The following LEKR1 variants were observed in gnomAD, a reference collection of about 807,000 sequenced individuals.
The protein encoded by LEKR1 is leucine, glutamate and lysine rich 1, also known as protein LEKR1.
LEKR1 carries 59 observed loss-of-function variants against 72.4 expected under a neutral mutation model. The ratio of observed to expected loss-of-function variants is 0.82; its 90% CI spans 0.66 to 1.01. LEKR1 has a LOEUF of 1.01. LEKR1 is among the 50% of genes least tolerant of loss of function. LEKR1 has a pLI of 0.00. For synonymous variants in LEKR1, 257 were observed against 263.2 expected (o/e 0.98, Z 0.23); for missense variants, 728 against 759.2 (o/e 0.96, Z 0.48).
At chr3:156,925,548 C>G (rs763870029) in intron 4 of LEKR1, among the ~76,000 whole-genome samples, 6 of 151,980 alleles carry the variant, frequency 3.9e-5, no homozygotes, top group Non-Finnish European at 5.9e-5. Context: ...TTTCTTGCCT[C>G]TTATTTCACA....
intron 12 of LEKR1, among the ~76,000 whole-genome samples, chr3:157,038,691 G>T (rs893597650): frequency 1.3e-5 from 2 of 152,158 alleles, no homozygotes; most frequent in Non-Finnish European, 2.9e-5. Context: ...TTTAAAGAAG[G>T]GTACATGCAA....
rs374057183 is a variant in LEKR1, at chr3:156,912,405, G to A, written c.264-8170G>A. 2.8e-4 allele frequency among the ~76,000 whole-genome samples: 42 copies of A among 152,308 alleles called. No homozygotes were observed. The East Asian group carries it at 4.0e-3, about 15-fold the overall frequency. On this transcript the variant is annotated intron_variant, in intron 3 of 12. Transcript: ENST00000356539. ...GAGTTCGCATAAGGAGTGGGGGGTA[G>A]CAGGTGGCAGTATGTCTCACCCAGC...
rs545631946 is a variant in LEKR1 at position 157,030,855 on chromosome 3, C to T, written c.1668+2453C>T. Among the ~76,000 whole-genome samples, 4 of 152,294 alleles carry T rather than the reference C, an allele frequency of 2.6e-5. No homozygotes were observed. In the East Asian group the frequency reaches 7.7e-4, roughly 29 times the overall value. Reference sequence around the variant, plus strand: ...AGAGGCTTCCCTCAGTTCCTTGCCACATGGACCTCTCCATAGAACAGCTCA... The same window carrying T: ...AGAGGCTTCCCTCAGTTCCTTGCCATATGGACCTCTCCATAGAACAGCTCA... On this transcript the variant is annotated intron_variant, in intron 12 of 12. Coordinates refer to ENST00000356539, the MANE Select transcript of LEKR1 (RefSeq NM_001004316.3).
At chr3:157,033,411 C>A (rs1734757460) in intron 12 of LEKR1, among the ~76,000 whole-genome samples, 1 of 152,166 alleles carries the variant, frequency 6.6e-6, no homozygotes, top group Non-Finnish European at 1.5e-5. Context: ...AATAAAACAG[C>A]CTTCTTGCTG....
intron 3 of LEKR1, among the ~76,000 whole-genome samples, chr3:156,879,202 G>A (rs1718984337): frequency 6.6e-6 from 1 of 152,138 alleles, no homozygotes; most frequent in Non-Finnish European, 1.5e-5. Context: ...CTTGTTGAAT[G>A]GCTTTGACCA....
chr3:156,872,059 G>C (rs62275178), intron 3 of LEKR1, among the ~76,000 whole-genome samples: 186 of 151,190 alleles, frequency 1.2e-3, no homozygotes, highest in South Asian at 4.4e-3. Context: ...CAGTGAAACT[G>C]TCTGGTCCTG....
chr3:156,904,479 A>G (rs1722340633), intron 3 of LEKR1, among the ~76,000 whole-genome samples: 1 of 149,922 alleles, frequency 6.7e-6, no homozygotes, highest in South Asian at 2.1e-4. Context: ...AGGGTCTCAC[A>G]CTGTGTCACT....
chr3:156,992,968 T>C (rs1187332169), intron 8 of LEKR1, 106 bp from the exon 9 acceptor site: 1 of 601,604 alleles, frequency 1.7e-6, no homozygotes, highest in African/African-American at 1.9e-5. Flanking sequence ...TTTTTAAAGT[T>C]ACAGTTATAA....
At chr3:157,024,729 G>T in intron 10 of LEKR1, 31 bp from the exon 11 acceptor site, 1 of 1,548,940 alleles carries the variant, frequency 6.5e-7, no homozygotes, top group Middle Eastern at 1.7e-4. Context: ...GGTAAAAATA[G>T]TTTTACATGT....
chr3:156,938,630 T>A (rs1725931610), intron 5 of LEKR1, among the ~76,000 whole-genome samples: 2 of 152,220 alleles, frequency 1.3e-5, no homozygotes, highest in Admixed American at 1.3e-4. Context: ...TGCCTTGGCC[T>A]CCCAAAGTGC....
In LEKR1 at chr3:157,045,407, G is replaced by C. The variant is rs115471365; in HGVS notation, c.1736G>C (p.Ser579Thr). Residue 579 changes from serine (S) to threonine (T), a missense_variant, in exon 13 of 13, where the codon AGT (serine) becomes ACT (threonine). Ser to Thr is a moderately conservative substitution (Grantham distance 58, BLOSUM62 1). Transcript: ENST00000356539. ...EERFELTEALSQAREQLLELS... is the reference protein window; with the variant it reads ...EERFELTEALTQAREQLLELS... ...CGCTTTGAACTGACAGAGGCTTTGA[G>C]TCAAGCCAGAGAACAGCTCCTGGAG... 1.6e-4 allele frequency: 251 copies of C among 1,614,064 alleles called. No individual in the cohort carries two copies. In the African/African-American group the frequency reaches 3.1e-3, roughly 20 times the overall value.
At chr3:156,850,735 C>A (rs1463020008) in intron 2 of LEKR1, among the ~76,000 whole-genome samples, 1 of 152,170 alleles carries the variant, frequency 6.6e-6, no homozygotes, top group Non-Finnish European at 1.5e-5. Flanking sequence ...GATGTCCAAT[C>A]CTGGTTCACC....
At chr3:156,904,886 A>G (rs1429791038) in intron 3 of LEKR1, among the ~76,000 whole-genome samples, 1 of 152,098 alleles carries the variant, frequency 6.6e-6, no homozygotes, top group Non-Finnish European at 1.5e-5. Context: ...ACTTAAGAGT[A>G]CCATATTCAG....
rs2039211767 is a variant in LEKR1 at position 157,028,369 on chromosome 3, A to G, written c.1635A>G (p.Gln545=). The part of the protein sequence containing the change: ...ELKRVMLAQT[Q]LIEQFNQSQE... ...AAAGAGTAATGCTGGCTCAAACACA[A>G]CTGATAGAGCAATTTAACCAGTCCC... Residue 545 remains glutamine (Q), a synonymous_variant, in exon 12 of 13, where the codon CAA becomes CAG. Transcript: ENST00000356539. 1.2e-6 allele frequency: 2 copies of G among 1,610,102 alleles called. No homozygotes were observed. The highest frequency in any genetic ancestry group is 1.7e-5 in the Admixed American group (1 of 59,528).
chr3:156,898,664 G>GA (rs939584191), intron 3 of LEKR1, among the ~76,000 whole-genome samples: 42 of 150,866 alleles, frequency 2.8e-4, no homozygotes, highest in African/African-American at 5.1e-4. Context: ...AGCATTACAG[G>GA]AAAAAAAAAC....
chr3:157,043,723 C>T (rs1473252808), intron 12 of LEKR1, among the ~76,000 whole-genome samples: 3 of 152,174 alleles, frequency 2.0e-5, no homozygotes, highest in African/African-American at 4.8e-5. Context: ...TCCTCCCCTG[C>T]CTTTTCCACA....
intron 2 of LEKR1, among the ~76,000 whole-genome samples, chr3:156,846,648 T>A (rs1449929871): frequency 6.6e-6 from 1 of 152,138 alleles, no homozygotes; most frequent in African/African-American, 2.4e-5. Context: ...ACACTCATTG[T>A]TTTTGAGTAA....
chr3:156,909,111 A>G (rs1295694708), intron 3 of LEKR1, among the ~76,000 whole-genome samples: 2 of 152,152 alleles, frequency 1.3e-5, no homozygotes, highest in Non-Finnish European at 1.5e-5. Context: ...GCCGGCCACC[A>G]TGTAAGATAT....
intron 2 of LEKR1, among the ~76,000 whole-genome samples, chr3:156,845,644 C>T (rs1014432868): frequency 2.0e-5 from 3 of 151,972 alleles, no homozygotes; most frequent in East Asian, 1.9e-4. Flanking sequence ...ATCAGTTTGG[C>T]ATATTTATGG....
Sources: gnomAD v4.1 joint callset for allele counts (sites outside exome capture counted in the v4.1 genomes callset) on GRCh38, gnomAD v4.1.1 for gene constraint, MANE v1.5 for transcripts, NCBI Gene and HGNC (gene_info 2026-07-23, HGNC 2026-07-21) for gene names.